SEMA5A: variants seen among roughly 807,000 people sequenced by gnomAD.
SEMA5A encodes the protein semaphorin-5A.
A neutral mutation model predicts 135.5 loss-of-function variants in SEMA5A; 55 were observed. That is an observed-to-expected ratio of 0.41 (90% CI 0.33 to 0.51). SEMA5A has a LOEUF of 0.51. Among genes scored for constraint, SEMA5A ranks in the 20% least tolerant of loss-of-function variants. The probability of loss-of-function intolerance (pLI) is 0.37; values close to 1 mark genes in which losing one functional copy is unlikely to be tolerated. For synonymous variants in SEMA5A, 580 were observed against 546.5 expected (o/e 1.06, Z -0.85); for missense variants, 1,290 against 1,419.9 (o/e 0.91, Z 1.47).
intron 1 of SEMA5A, among the ~76,000 whole-genome samples, chr5:9,535,843 G>A (rs542266722): frequency 6.6e-6 from 1 of 152,212 alleles, no homozygotes; most frequent in Non-Finnish European, 1.5e-5. Flanking sequence ...TACCCCACGG[G>A]CAGATGCTGG....
chr5:9,319,476 G>A (rs917930495), intron 4 of SEMA5A, among the ~76,000 whole-genome samples: 8 of 152,092 alleles, frequency 5.3e-5, no homozygotes, highest in African/African-American at 1.9e-4. Context: ...TAGTTACACT[G>A]GGCTTTGGAC....
intron 4 of SEMA5A, among the ~76,000 whole-genome samples, chr5:9,325,802 T>C (rs895241656): frequency 7.5e-6 from 1 of 132,520 alleles, no homozygotes; most frequent in South Asian, 2.8e-4. Context: ...TGGCCTCTGA[T>C]GAATATGACT....
intron 1 of SEMA5A, among the ~76,000 whole-genome samples, chr5:9,498,122 G>A (rs2126813685): frequency 6.6e-6 from 1 of 152,250 alleles, no homozygotes; most frequent in South Asian, 2.1e-4. Context: ...CCCTCCCTGG[G>A]CTAGTCAGTT....
chr5:9,534,094 G>T (rs268551), intron 1 of SEMA5A, among the ~76,000 whole-genome samples: 43,921 of 152,058 alleles, frequency 0.29, 6,480 homozygotes, highest in Non-Finnish European at 0.31. Flanking sequence ...CATAGGTTTA[G>T]CCCTGAAGGC....
chr5:9,359,751 C>T (rs1754609984), intron 3 of SEMA5A, among the ~76,000 whole-genome samples: 3 of 152,134 alleles, frequency 2.0e-5, no homozygotes, highest in Admixed American at 1.3e-4. Context: ...TAGAGTAACT[C>T]TCAAATATTT....
intron 1 of SEMA5A, among the ~76,000 whole-genome samples, chr5:9,540,022 C>T (rs1458623124): frequency 6.6e-6 from 1 of 152,090 alleles, no homozygotes; most frequent in Non-Finnish European, 1.5e-5. Context: ...TTTTAGAGTC[C>T]ATGGTTAGCC....
At chr5:9,087,670 T>C (rs1561139739) in intron 16 of SEMA5A, among the ~76,000 whole-genome samples, 1 of 152,092 alleles carries the variant, frequency 6.6e-6, no homozygotes. Context: ...TATTATAATA[T>C]CATAACTTAT....
chr5:9,382,694 T>C (rs746949156), intron 2 of SEMA5A, among the ~76,000 whole-genome samples: 33 of 152,194 alleles, frequency 2.2e-4, no homozygotes, highest in Non-Finnish European at 4.0e-4. Context: ...CAATATTTAC[T>C]GAGTGACAAC....
chr5:9,349,163 C>T (rs1451578653), intron 3 of SEMA5A, among the ~76,000 whole-genome samples: 1 of 152,096 alleles, frequency 6.6e-6, no homozygotes, highest in Non-Finnish European at 1.5e-5. Flanking sequence ...CTAATAAGTC[C>T]CAAGGTGGCC....
chr5:9,385,694 G>T (rs966360344), intron 2 of SEMA5A, among the ~76,000 whole-genome samples: 1 of 151,720 alleles, frequency 6.6e-6, no homozygotes, highest in South Asian at 2.1e-4. Context: ...AGGCTGAAGC[G>T]ATTGCTGCAT....
rs1426385046 is a variant in SEMA5A at position 9,119,114 on chromosome 5, C to T, written c.1809G>A (p.Ser603=). Residue 603 remains serine, a synonymous_variant, in exon 15 of 23, where the codon TCG becomes TCA. Coordinates refer to ENST00000382496, the MANE Select transcript of SEMA5A (RefSeq NM_003966.3). ...CACAGGTAGTGCTGCAGGGAGACCA[C>T]GAGGTCCAGGGAGTCCAGCCTCCGT... ...SRNGGWTPWT[S]WSPCSTTCGI... is the part of the protein sequence containing the mutation. 2 of 1,613,818 alleles carry T rather than the reference C, an allele frequency of 1.2e-6. No individual in the cohort carries two copies. The highest frequency in any genetic ancestry group is 1.7e-6 in the Non-Finnish European group (2 of 1,179,944).
At chr5:9,219,796 C>G (rs997369726) in intron 8 of SEMA5A, among the ~76,000 whole-genome samples, 1 of 152,036 alleles carries the variant, frequency 6.6e-6, no homozygotes, top group African/African-American at 2.4e-5. Flanking sequence ...GAGCCCATAC[C>G]CAAGATTGAA....
At chr5:9,403,100 T>C (rs1270042150) in intron 2 of SEMA5A, among the ~76,000 whole-genome samples, 1 of 152,208 alleles carries the variant, frequency 6.6e-6, no homozygotes, top group Non-Finnish European at 1.5e-5. Context: ...TCTCCCATTT[T>C]ATGAAGATCC....
At chr5:9,259,570 T>A (rs992059652) in intron 5 of SEMA5A, among the ~76,000 whole-genome samples, 1 of 151,956 alleles carries the variant, frequency 6.6e-6, no homozygotes, top group African/African-American at 2.4e-5. Context: ...CTATTAGGTC[T>A]GCTTGGTGCA....
At chr5:9,203,733 T>G (rs1745852002) in intron 8 of SEMA5A, among the ~76,000 whole-genome samples, 1 of 152,220 alleles carries the variant, frequency 6.6e-6, no homozygotes, top group African/African-American at 2.4e-5. Context: ...CATTGAAGTA[T>G]ATCAAGTAAT....
intron 1 of SEMA5A, among the ~76,000 whole-genome samples, chr5:9,497,333 G>A (rs886701650): frequency 1.3e-5 from 2 of 152,132 alleles, no homozygotes; most frequent in African/African-American, 2.4e-5. Context: ...AAAAAGCCCT[G>A]ACATTTTATG....
chr5:9,246,063 T>G (rs943615801), intron 5 of SEMA5A, among the ~76,000 whole-genome samples: 4 of 152,144 alleles, frequency 2.6e-5, no homozygotes, highest in Non-Finnish European at 5.9e-5. Context: ...TTGTCAGACC[T>G]TGAAGCATCA....
intron 1 of SEMA5A, among the ~76,000 whole-genome samples, chr5:9,468,474 AT>A (rs1314244081): frequency 8.5e-5 from 13 of 152,314 alleles, no homozygotes; most frequent in African/African-American, 3.1e-4. Flanking sequence ...CCTTCTTTTA[AT>A]AAATTACAAT....
chr5:9,168,628 A>G (rs561840806), intron 11 of SEMA5A, among the ~76,000 whole-genome samples: 1 of 152,292 alleles, frequency 6.6e-6, no homozygotes, highest in South Asian at 2.1e-4. Flanking sequence ...ATGGGCAGGG[A>G]TACTACCTTC....
Sources: gnomAD v4.1 joint callset for allele counts (sites outside exome capture counted in the v4.1 genomes callset) on GRCh38, gnomAD v4.1.1 for gene constraint, MANE v1.5 for transcripts, NCBI Gene and HGNC (gene_info 2026-07-23, HGNC 2026-07-21) for gene names.